The following VGLL4 variants were observed in gnomAD, a reference collection of about 807,000 sequenced individuals.
VGLL4 encodes the protein transcription cofactor vestigial-like protein 4.
VGLL4 carries 7 observed loss-of-function variants against 21.0 expected under a neutral mutation model. The ratio of observed to expected loss-of-function variants is 0.33; its 90% confidence interval spans 0.19 to 0.63. The LOEUF is 0.63. Among genes scored for constraint, VGLL4 ranks in the 20% least tolerant of loss-of-function variants. The pLI, the probability that VGLL4 is intolerant of heterozygous loss-of-function variation, is 0.78. For missense variants in VGLL4, 394 were observed against 425.7 expected (o/e 0.93, Z 0.66); for synonymous variants, 222 against 173.2 (o/e 1.28, Z -2.21).
intron 2 of VGLL4, among the ~76,000 whole-genome samples, chr3:11,691,174 T>C (rs2076521765): frequency 6.6e-6 from 1 of 150,846 alleles, no homozygotes. Context: ...GTTGTTGTTG[T>C]TTTTTATCTG....
chr3:11,616,451 G>C (rs2075165252), intron 1 of VGLL4, among the ~76,000 whole-genome samples: 1 of 152,200 alleles, frequency 6.6e-6, no homozygotes, highest in African/African-American at 2.4e-5. Context: ...ATTCCCTAGG[G>C]CCTCCTTTCC....
chr3:11,602,439 CTTGTTCTGTTT>C (rs2074828894), intron 1 of VGLL4, among the ~76,000 whole-genome samples: 1 of 151,742 alleles, frequency 6.6e-6, no homozygotes, highest in Admixed American at 6.6e-5. Flanking sequence ...ACTTTTCCTG[CTTGTTCTGTTT>C]TTTTTTTCTA....
chr3:11,596,637 A>G (rs1194304974), intron 2 of VGLL4, among the ~76,000 whole-genome samples: 3 of 152,190 alleles, frequency 2.0e-5, no homozygotes, highest in African/African-American at 7.2e-5. Flanking sequence ...ACTGTTCAAT[A>G]GAACTTCTTG....
At chr3:11,665,266 A>T (rs4571227) in intron 2 of VGLL4, among the ~76,000 whole-genome samples, 81,548 of 150,492 alleles carry the variant, frequency 0.54, 23,004 homozygotes, top group Non-Finnish European at 0.62. Flanking sequence ...GGCGCCTGCC[A>T]CCACGCCTGG....
chr3:11,652,374 T>A (rs1052786464), intron 2 of VGLL4, among the ~76,000 whole-genome samples: 11 of 152,210 alleles, frequency 7.2e-5, no homozygotes, highest in African/African-American at 2.7e-4. Context: ...TTCACATAAA[T>A]TTAACCTTAA....
At position 11,573,247 on chromosome 3, in the gene VGLL4, GAAAGAA is replaced by G. The variant is rs1285882535; in HGVS notation, c.273-8234_273-8229del. On this transcript the variant is annotated intron_variant, in intron 2 of 4. Coordinates refer to ENST00000430365, the MANE Select transcript of VGLL4 (RefSeq NM_001128219.3). ...GACAGACAGAAAGAAAAGAAATAGA[GAAAGAA>G]AGAAAGAAAGAAAGAAAGAAAGAAA... Among the ~76,000 whole-genome samples the G allele has an allele frequency of 6.1e-4, 29 of 47,794 alleles. 2 individuals carry two copies. The highest frequency in any genetic ancestry group is 4.9e-3 in the East Asian group (8 of 1,636). 31.4% of individuals were successfully genotyped at this position (47,794 alleles called of 152,430 possible).
At chr3:11,642,629 C>G (rs1378392970) in intron 1 of VGLL4, among the ~76,000 whole-genome samples, 1 of 152,194 alleles carries the variant, frequency 6.6e-6, no homozygotes, top group African/African-American at 2.4e-5. Context: ...TCAAATCGCA[C>G]GTAGAGGATG....
intron 2 of VGLL4, among the ~76,000 whole-genome samples, chr3:11,692,837 C>T (rs1275756964): frequency 1.3e-5 from 2 of 152,160 alleles, no homozygotes; most frequent in Non-Finnish European, 1.5e-5. Flanking sequence ...CTGATACCTC[C>T]CCCACCCAGT....
upstream of VGLL4, among the ~76,000 whole-genome samples, chr3:11,646,491 T>G (rs1287823414): frequency 1.3e-5 from 2 of 152,124 alleles, no homozygotes; most frequent in Non-Finnish European, 2.9e-5. Flanking sequence ...CAGCAGTAGC[T>G]TCTAAAGTCC....
At chr3:11,573,288 AAAGAAAGAAAGAAAGAAAGG>A (rs2073882177) in intron 2 of VGLL4, among the ~76,000 whole-genome samples, 2 of 11,684 alleles carry the variant, frequency 1.7e-4, no homozygotes, top group African/African-American at 1.3e-3. Context: ...AGAAAGAAAG[AAAGAAAGAAAGAAAGAAAGG>A]AAGGAAGGAA....
At chr3:11,708,710 C>A (rs537757784) in intron 1 of VGLL4, among the ~76,000 whole-genome samples, 1 of 152,312 alleles carries the variant, frequency 6.6e-6, no homozygotes, top group South Asian at 2.1e-4. Flanking sequence ...CTAGGTCTAT[C>A]CCAATAATGT....
At chr3:11,618,561 A>G (rs2574721) in intron 1 of VGLL4, among the ~76,000 whole-genome samples, 63,562 of 152,028 alleles carry the variant, frequency 0.42, 14,842 homozygotes, top group South Asian at 0.61. Context: ...TTAAAGGTGC[A>G]ATTGCAGACT....
chr3:11,657,663 T>G (rs1380576330), intron 2 of VGLL4, among the ~76,000 whole-genome samples: 1 of 152,230 alleles, frequency 6.6e-6, no homozygotes, highest in Non-Finnish European at 1.5e-5. Context: ...TCACTAGTTC[T>G]AGGTGAGTCT....
At chr3:11,595,483 TG>T in intron 2 of VGLL4, among the ~76,000 whole-genome samples, 1 of 152,238 alleles carries the variant, frequency 6.6e-6, no homozygotes, top group South Asian at 2.1e-4. Context: ...ATCCCATTAC[TG>T]GGTATATACC....
chr3:11,709,714 G>C (rs2076813822), intron 1 of VGLL4, among the ~76,000 whole-genome samples: 1 of 151,968 alleles, frequency 6.6e-6, no homozygotes, highest in Non-Finnish European at 1.5e-5. Context: ...GGGAACAAGA[G>C]GTATCGATTT....
In VGLL4 at chr3:11,556,145, T is replaced by C. The variant is rs1309757881; in HGVS notation, c.*2411A>G. 6.5e-6 allele frequency: 1 copy of C among 152,822 alleles called. No homozygotes were observed. The highest frequency in any genetic ancestry group is 1.9e-4 in the East Asian group (1 of 5,322). 9.5% of individuals were successfully genotyped at this position (152,822 alleles called of 1,614,324 possible). On this transcript the variant is annotated 3_prime_UTR_variant, in exon 5 of 5. Coordinates refer to ENST00000430365, the MANE Select transcript of VGLL4 (RefSeq NM_001128219.3). ...AAAGATGGCCTGCCAAACCTTTTTT[T>C]TTCTTCTTCCAGGAAAAACAGGCCA...
At chr3:11,684,200 C>A (rs992542980) in intron 2 of VGLL4, among the ~76,000 whole-genome samples, 2 of 151,906 alleles carry the variant, frequency 1.3e-5, no homozygotes, top group Admixed American at 6.6e-5. Context: ...GAGAGTGAGA[C>A]CCTGTCACAA....
chr3:11,688,287 C>T lies in VGLL4; in HGVS notation c.64+14684G>A, dbSNP rs563753373. ...TGGCTTTAGTATCATGTTATATTAG[C>T]CTCACAGAAAGAATTACAAAGTGCT... On this transcript the variant is annotated intron_variant, in intron 2 of 5. Transcript: ENST00000273038. Among the ~76,000 whole-genome samples the T allele has an allele frequency of 1.3e-3, 199 of 152,142 alleles. 4 individuals carry two copies. Among genetic ancestry groups the T allele is most frequent in the African/African-American group, 4.7e-3 (194 of 41,508 alleles).
intron 1 of VGLL4, 67 bp from the exon 2 acceptor site, chr3:11,602,089 C>T (rs377452007): frequency 2.9e-6 from 4 of 1,393,622 alleles, no homozygotes; most frequent in Admixed American, 6.8e-5. Flanking sequence ...CCCCAGGCTC[C>T]CCGCCCGCCC....
Sources: allele counts gnomAD v4.1 joint callset (sites outside exome capture counted in the v4.1 genomes callset), GRCh38; gene constraint gnomAD v4.1.1; transcripts MANE v1.5; gene names NCBI Gene and HGNC (gene_info 2026-07-23, HGNC 2026-07-21).